Variants in KCNK1 observed in about 807,000 individuals in gnomAD.
The protein encoded by KCNK1 is potassium two pore domain channel subfamily K member 1, also known as potassium channel subfamily K member 1.
Under a neutral mutation model 22.2 loss-of-function variants are expected in KCNK1, and 10 were observed. The observed-to-expected ratio is 0.45, with a 90% CI of 0.28 to 0.76. The LOEUF (loss-of-function observed/expected upper bound fraction) is 0.76, where lower values mean the gene tolerates loss of function less well. Among genes scored for constraint, KCNK1 ranks in the 30% least tolerant of loss-of-function variants. The pLI is 0.14. For missense variants in KCNK1, 378 were observed against 421.0 expected (o/e 0.90, Z 0.89); for synonymous variants, 200 against 186.4 (o/e 1.07, Z -0.60).
intron 1 of KCNK1, among the ~76,000 whole-genome samples, chr1:233,642,523 TG>T (rs1422838163): frequency 2.0e-5 from 3 of 151,576 alleles, no homozygotes; most frequent in South Asian, 2.1e-4. Context: ...GGGCAGGGGG[TG>T]TTCTGAGACC....
intron 1 of KCNK1, among the ~76,000 whole-genome samples, chr1:233,626,846 A>G (rs891395605): frequency 2.0e-5 from 3 of 152,224 alleles, no homozygotes; most frequent in African/African-American, 7.2e-5. Context: ...ACAGTAGGAT[A>G]TTTAGTATTT....
intron 1 of KCNK1, among the ~76,000 whole-genome samples, chr1:233,625,010 A>G (rs183985147): frequency 1.3e-5 from 2 of 152,314 alleles, no homozygotes; most frequent in East Asian, 1.9e-4. Flanking sequence ...ACTGAAAATC[A>G]CCTGATAAAA....
intron 1 of KCNK1, among the ~76,000 whole-genome samples, 189 bp from the exon 2 acceptor site, chr1:233,666,406 T>G (rs1054800593): frequency 6.6e-6 from 1 of 152,238 alleles, no homozygotes; most frequent in East Asian, 1.9e-4. Context: ...TTCAAACTTA[T>G]GGTGACCACT....
intron 1 of KCNK1, among the ~76,000 whole-genome samples, chr1:233,662,202 T>G (rs975203955): frequency 1.3e-5 from 2 of 152,244 alleles, no homozygotes; most frequent in African/African-American, 4.8e-5. Context: ...CTGAGGTTCT[T>G]CTTTCGTAGC....
At chr1:233,671,178 A>G (rs986133223) in intron 2 of KCNK1, 93 bp from the exon 3 acceptor site, 2 of 1,150,256 alleles carry the variant, frequency 1.7e-6, no homozygotes, top group Non-Finnish European at 2.5e-6. Context: ...CTTAACAAAC[A>G]CTGTGTTGGC....
At chr1:233,626,302 T>C (rs1374924399) in intron 1 of KCNK1, among the ~76,000 whole-genome samples, 2 of 152,124 alleles carry the variant, frequency 1.3e-5, no homozygotes, top group Non-Finnish European at 2.9e-5. Flanking sequence ...GTGGTTCTTC[T>C]TTACAGACCA....
At position 233,671,411 on chromosome 1, in the gene KCNK1, C is replaced by G; in HGVS notation, c.892C>G (p.Gln298Glu). 1 of 1,614,144 alleles carries G rather than the reference C, an allele frequency of 6.2e-7. No homozygotes were observed. The highest frequency in any genetic ancestry group is 1.3e-5 in the African/African-American group (1 of 75,034). Residue 298 changes from glutamine to glutamate, a missense_variant, in exon 3 of 3, where the codon CAA becomes GAA. Coordinates refer to ENST00000366621, the MANE Select transcript of KCNK1 (RefSeq NM_002245.4). ...TCAGGTGCACATCATAGAGCATGACCAACTGTCCTTCTCCTCGATCACAGA... is the reference window on the plus strand; with the variant it reads ...TCAGGTGCACATCATAGAGCATGACGAACTGTCCTTCTCCTCGATCACAGA... ...EDQVHIIEHD[Q>E]LSFSSITDQA...
intron 1 of KCNK1, among the ~76,000 whole-genome samples, chr1:233,642,561 A>G (rs1195679034): frequency 6.6e-6 from 1 of 152,194 alleles, no homozygotes; most frequent in African/African-American, 2.4e-5. Flanking sequence ...ATGCAGGCGC[A>G]GGCAAGCATT....
At chr1:233,616,670 G>A (rs1296089560) in intron 1 of KCNK1, among the ~76,000 whole-genome samples, 1 of 152,188 alleles carries the variant, frequency 6.6e-6, no homozygotes, top group Non-Finnish European at 1.5e-5. Flanking sequence ...TATTCTAAAT[G>A]AAAAGTACTC....
chr1:233,618,809 G>T (rs909409648), intron 1 of KCNK1, among the ~76,000 whole-genome samples: 9 of 152,042 alleles, frequency 5.9e-5, no homozygotes, highest in African/African-American at 1.9e-4. Context: ...GCTTGAACCC[G>T]GGAGGCGGAG....
In KCNK1 at chr1:233,614,149, C is replaced by T; in HGVS notation, c.-23C>T. On this transcript the variant is annotated 5_prime_UTR_variant, in exon 1 of 3. Coordinates refer to ENST00000366621, the MANE Select transcript of KCNK1 (RefSeq NM_002245.4). The stretch of plus-strand genomic sequence containing the variant: ...CGCTCCGGCCGGTCTGCGGCGTTGG[C>T]CTTGGCGGCGGCGGTGGAGAAGATG... The T allele has an allele frequency of 6.5e-7, 1 of 1,539,408 alleles. No homozygotes were observed. Among genetic ancestry groups the T allele is most frequent in the Non-Finnish European group, 8.7e-7 (1 of 1,151,888 alleles).
At chr1:233,637,981 C>T (rs755082742) in intron 1 of KCNK1, among the ~76,000 whole-genome samples, 2 of 136,658 alleles carry the variant, frequency 1.5e-5, no homozygotes, top group Admixed American at 1.6e-4. Context: ...TTGACAATGT[C>T]GTGGGCTGTG....
At chr1:233,625,711 A>G (rs945029890) in intron 1 of KCNK1, among the ~76,000 whole-genome samples, 2 of 152,178 alleles carry the variant, frequency 1.3e-5, no homozygotes, top group African/African-American at 2.4e-5. Context: ...GGCAGAGTCC[A>G]GGATCGTAGT....
At chr1:233,658,349 G>A (rs969139315) in intron 1 of KCNK1, among the ~76,000 whole-genome samples, 6 of 152,142 alleles carry the variant, frequency 3.9e-5, no homozygotes, top group South Asian at 2.1e-4. Flanking sequence ...AAGAAAGCAT[G>A]TATAATAGAA....
chr1:233,624,579 T>C (rs1657652617), intron 1 of KCNK1, among the ~76,000 whole-genome samples: 1 of 152,208 alleles, frequency 6.6e-6, no homozygotes, highest in African/African-American at 2.4e-5. Flanking sequence ...TTAAGGCACA[T>C]TTCTTCATAT....
intron 1 of KCNK1, chr1:233,649,897 G>A (rs768671746): frequency 3.8e-6 from 2 of 529,208 alleles, no homozygotes; most frequent in Non-Finnish European, 7.8e-6. Context: ...AGGATTCTAG[G>A]TCTAGAACAC....
At chr1:233,646,977 T>C (rs1658111287) in intron 1 of KCNK1, among the ~76,000 whole-genome samples, 1 of 152,136 alleles carries the variant, frequency 6.6e-6, no homozygotes, top group Non-Finnish European at 1.5e-5. Context: ...CCCACCAAAC[T>C]CGAAGCAGTG....
chr1:233,625,945 G>A (rs959229803), intron 1 of KCNK1, among the ~76,000 whole-genome samples: 1 of 152,092 alleles, frequency 6.6e-6, no homozygotes, highest in African/African-American at 2.4e-5. Flanking sequence ...GATGTCCTAG[G>A]CCACTGCAAA....
chr1:233,627,027 A>T (rs1443255002), intron 1 of KCNK1, among the ~76,000 whole-genome samples: 1 of 152,098 alleles, frequency 6.6e-6, no homozygotes, highest in Non-Finnish European at 1.5e-5. Context: ...TTTTTCACAA[A>T]CAATCTAAAC....
Sources: allele counts gnomAD v4.1 joint callset (sites outside exome capture counted in the v4.1 genomes callset), GRCh38; gene constraint gnomAD v4.1.1; transcripts MANE v1.5; gene names NCBI Gene and HGNC (gene_info 2026-07-23, HGNC 2026-07-21).